EPC2: variants seen among roughly 807,000 people sequenced by gnomAD.
EPC2 encodes the protein enhancer of polycomb 2.
A neutral mutation model predicts 92.1 loss-of-function variants in EPC2; 14 were observed. The ratio of observed to expected loss-of-function variants is 0.15; its 90% CI spans 0.10 to 0.24. The LOEUF (loss-of-function observed/expected upper bound fraction) is 0.24, where lower values mean the gene tolerates loss of function less well. Among genes scored for constraint, EPC2 ranks in the 10% least tolerant of loss-of-function variants. The probability of loss-of-function intolerance (pLI) is 1.00; values close to 1 mark genes in which losing one functional copy is unlikely to be tolerated. For missense variants in EPC2, 755 were observed against 971.5 expected, an observed-to-expected ratio of 0.78 and a Z score of 2.96; for synonymous variants, 340 against 334.7, an observed-to-expected ratio of 1.02 and a Z score of -0.17.
At chr2:148,704,516 C>T (rs774518719) in intron 2 of EPC2, among the ~76,000 whole-genome samples, 1 of 152,044 alleles carries the variant, frequency 6.6e-6, no homozygotes, top group African/African-American at 2.4e-5. Context: ...TACTTTTATG[C>T]TATATGTATT....
chr2:148,720,806 G>A (rs190216203), intron 2 of EPC2, among the ~76,000 whole-genome samples: 19 of 152,264 alleles, frequency 1.2e-4, no homozygotes, highest in East Asian at 5.8e-4. Context: ...CCCGTGGGTC[G>A]AGCTGTTTCC....
intron 1 of EPC2, among the ~76,000 whole-genome samples, chr2:148,680,310 G>T (rs1681368066): frequency 6.6e-6 from 1 of 152,156 alleles, no homozygotes; most frequent in South Asian, 2.1e-4. Context: ...AAACATGATT[G>T]CATACTTCAT....
Position 148,781,784 on chromosome 2 carries a change from A to G in EPC2, c.1857+4A>G. ...ACAGACACATCCAAAAGCACAGGTA[A>G]ACTGCTCTTTTCGTCATAGTTACGT... On this transcript the variant is annotated splice_donor_region_variant and intron_variant, in intron 11 of 13. Coordinates refer to ENST00000258484, the MANE Select transcript of EPC2 (RefSeq NM_015630.4). 1.9e-6 allele frequency: 3 copies of G among 1,613,234 alleles called. No individual in the cohort carries two copies. The highest frequency in any genetic ancestry group is 2.5e-6 in the Non-Finnish European group (3 of 1,179,672).
intron 2 of EPC2, among the ~76,000 whole-genome samples, chr2:148,727,078 A>G (rs368536233): frequency 2.6e-5 from 4 of 152,150 alleles, no homozygotes; most frequent in Non-Finnish European, 4.4e-5. Flanking sequence ...ACATTTAGGT[A>G]TTTAATCCAT....
chr2:148,683,637 G>T (rs1183362040), intron 1 of EPC2, among the ~76,000 whole-genome samples: 1 of 152,082 alleles, frequency 6.6e-6, no homozygotes, highest in African/African-American at 2.4e-5. Context: ...GTGATGTTTG[G>T]TTTTCCATTC....
chr2:148,691,673 T>G, intron 2 of EPC2: 1 of 1,485,576 alleles, frequency 6.7e-7, no homozygotes, highest in Non-Finnish European at 9.2e-7. Context: ...TGCTTGTTTG[T>G]TTTGTTCATT....
In EPC2 at chr2:148,726,782, G is replaced by GT. The variant is rs1338780094; in HGVS notation, c.314-16833dup. The stretch of plus-strand genomic sequence containing the variant: ...TGTTTTTTGTTTTTTTTTTTTTTGC[G>GT]TTTTTTTGTTTTTGAGTTTTAGGAG... On this transcript the variant is annotated intron_variant, in intron 2 of 13. Transcript: ENST00000258484. Among the ~76,000 whole-genome samples, 52 of 98,808 alleles carry GT rather than the reference G, an allele frequency of 5.3e-4. 1 individual carries two copies. Among genetic ancestry groups the GT allele is most frequent in the Admixed American group, 2.2e-3 (22 of 10,130 alleles). The allele number at this position is 98,808 out of a possible 152,430, so 64.8% of individuals were successfully genotyped here.
At chr2:148,773,710 A>T (rs1683571225) in intron 10 of EPC2, among the ~76,000 whole-genome samples, 1 of 152,146 alleles carries the variant, frequency 6.6e-6, no homozygotes, top group African/African-American at 2.4e-5. Context: ...GCATTTTTTA[A>T]AATAATTGAA....
intron 2 of EPC2, among the ~76,000 whole-genome samples, chr2:148,710,668 T>C (rs1682119404): frequency 6.9e-6 from 1 of 144,126 alleles, no homozygotes; most frequent in Admixed American, 7.4e-5. Context: ...TATGCAGCCA[T>C]AAAAAATAAT....
At chr2:148,656,202 C>G (rs902830329) in intron 1 of EPC2, among the ~76,000 whole-genome samples, 1 of 152,118 alleles carries the variant, frequency 6.6e-6, no homozygotes, top group Non-Finnish European at 1.5e-5. Context: ...TTCCCTTTAA[C>G]ATCTCTGAGG....
chr2:148,677,773 C>T lies in EPC2; in HGVS notation c.154-12441C>T, dbSNP rs149495697. ...CTGGCTCAGGAGTGAAGCTGCAGAC[C>T]TTTGCAGTGAGTGTTACAGCTCTTA... On this transcript the variant is annotated intron_variant, in intron 1 of 13. Transcript: ENST00000258484. 4.2e-3 allele frequency among the ~76,000 whole-genome samples: 639 copies of T among 152,050 alleles called. 1 individual carries two copies. The highest frequency in any genetic ancestry group is 0.014 in the African/African-American group (599 of 41,464).
intron 2 of EPC2, among the ~76,000 whole-genome samples, chr2:148,706,540 A>G (rs532613637): frequency 2.6e-5 from 4 of 152,310 alleles, no homozygotes; most frequent in Admixed American, 2.0e-4. Context: ...CAAGACACAT[A>G]ATTGTCAGAT....
At chr2:148,743,964 A>C (rs1384011921) in intron 3 of EPC2, among the ~76,000 whole-genome samples, 197 bp downstream of exon 3, 2 of 152,092 alleles carry the variant, frequency 1.3e-5, no homozygotes, top group Non-Finnish European at 2.9e-5. Context: ...TACTGTTCTG[A>C]CTGTTTTCCT....
intron 1 of EPC2, among the ~76,000 whole-genome samples, chr2:148,677,503 C>T (rs1681291557): frequency 6.6e-6 from 1 of 152,144 alleles, no homozygotes. Flanking sequence ...AGTGAGACTC[C>T]ATCTCTATAA....
chr2:148,670,888 G>A (rs1248082887), intron 1 of EPC2, among the ~76,000 whole-genome samples: 4 of 152,082 alleles, frequency 2.6e-5, no homozygotes, highest in African/African-American at 9.7e-5. Context: ...ACATCAGTAT[G>A]TTGCCCAGGC....
At chr2:148,647,721 C>T (rs1304547889) in intron 1 of EPC2, among the ~76,000 whole-genome samples, 2 of 150,238 alleles carry the variant, frequency 1.3e-5, no homozygotes, top group Admixed American at 1.3e-4. Context: ...CAACCTTCGC[C>T]TCCCGGGTTC....
At chr2:148,776,076 C>T (rs889410122) in intron 10 of EPC2, among the ~76,000 whole-genome samples, 6 of 151,802 alleles carry the variant, frequency 4.0e-5, no homozygotes, top group African/African-American at 9.7e-5. Context: ...CCACCGCGCC[C>T]GGCCAATATG....
chr2:148,663,592 A>ATTTTTTTTTTTTT (rs56911412), intron 1 of EPC2, among the ~76,000 whole-genome samples: 5 of 74,350 alleles, frequency 6.7e-5, no homozygotes, highest in African/African-American at 2.8e-4. Context: ...ATAGATTAAG[A>ATTTTTTTTTTTTT]TTTTTTTTTT....
At chr2:148,741,313 C>G (rs543599805) in intron 2 of EPC2, among the ~76,000 whole-genome samples, 8 of 152,006 alleles carry the variant, frequency 5.3e-5, no homozygotes, top group African/African-American at 1.9e-4. Context: ...ACTACCTTGC[C>G]CATAGTACTA....
Sources: allele counts gnomAD v4.1 joint callset (sites outside exome capture counted in the v4.1 genomes callset), GRCh38; gene constraint gnomAD v4.1.1; transcripts MANE v1.5; gene names NCBI Gene and HGNC (gene_info 2026-07-23, HGNC 2026-07-21).